Variants in D2HGDH observed in about 807,000 individuals in gnomAD.
D2HGDH encodes D-2-hydroxyglutarate dehydrogenase, also known as D-2-hydroxyglutarate dehydrogenase, mitochondrial.
Under a neutral mutation model 46.9 loss-of-function variants are expected in D2HGDH, and 31 were observed. The observed-to-expected ratio is 0.66, with a 90% CI of 0.50 to 0.89. D2HGDH has a LOEUF of 0.89. Among genes scored for constraint, D2HGDH ranks in the 40% least tolerant of loss-of-function variants. The pLI is 0.00. For synonymous variants in D2HGDH, 364 were observed against 332.6 expected (o/e 1.09, Z -1.03); for missense variants, 698 against 720.8 (o/e 0.97, Z 0.36).
At chr2:241,764,198 G>C (rs539857416) in intron 9 of D2HGDH, among the ~76,000 whole-genome samples, 35 of 152,266 alleles carry the variant, frequency 2.3e-4, no homozygotes, top group African/African-American at 7.2e-4. Context: ...GCGGGGACTG[G>C]GGGGCGACGG....
rs1692201828 is a variant in D2HGDH at position 241,734,687 on chromosome 2, T to TGGTCGTGGGTGC, written c.-100_-99insGTCGTGGGTGCG. The TGGTCGTGGGTGC allele has an allele frequency of 2.0e-5, 3 of 150,448 alleles. No homozygotes were observed. The highest frequency in any genetic ancestry group is 7.3e-5 in the African/African-American group (3 of 40,976). 9.3% of individuals were successfully genotyped at this position (150,448 alleles called of 1,614,324 possible). A position where few individuals can be genotyped will look rare whatever the true frequency, so the allele number is the denominator to read the frequency against. On this transcript the variant is annotated 5_prime_UTR_variant, in exon 1 of 10. Transcript: ENST00000321264. The stretch of plus-strand genomic sequence containing the variant: ...GCGCTGCGGGTTGGAGCTCGGGACG[T>TGGTCGTGGGTGC]GATCGTGGGTGCGTGCGCGCGGCCG...
chr2:241,739,183 G>T lies in D2HGDH; in HGVS notation c.293-1850G>T, dbSNP rs142560265. On this transcript the variant is annotated intron_variant, in intron 2 of 9. Transcript: ENST00000321264. ...GGGAGCCCTCCTTTTCATCTTTCCC[G>T]TTAGAAGGTAAACATCACAGGAGTG... Among the ~76,000 whole-genome samples the T allele has an allele frequency of 5.4e-3, 820 of 152,252 alleles. 5 individuals are homozygous for T. Among genetic ancestry groups the T allele is most frequent in the South Asian group, 0.012 (56 of 4,820 alleles).
intron 8 of D2HGDH, among the ~76,000 whole-genome samples, chr2:241,754,261 G>C (rs1246539066): frequency 6.6e-6 from 1 of 152,226 alleles, no homozygotes; most frequent in Admixed American, 6.5e-5. Flanking sequence ...AGCCGTGCCC[G>C]TGCGGCTGTG....
chr2:241,761,037 C>T (rs996490883), intron 9 of D2HGDH, among the ~76,000 whole-genome samples: 2 of 152,226 alleles, frequency 1.3e-5, no homozygotes, highest in African/African-American at 4.8e-5. Flanking sequence ...CTGCACAGTG[C>T]GAGGACTTCA....
chr2:241,751,718 C>T (rs1246581481), intron 8 of D2HGDH, among the ~76,000 whole-genome samples: 3 of 152,328 alleles, frequency 2.0e-5, no homozygotes, highest in South Asian at 4.1e-4. Context: ...CGCATAGAGT[C>T]GTGTGGAAGG....
intron 2 of D2HGDH, among the ~76,000 whole-genome samples, chr2:241,740,412 A>G (rs993344814): frequency 3.3e-5 from 5 of 152,186 alleles, no homozygotes; most frequent in African/African-American, 1.2e-4. Context: ...TGGGTGGGCA[A>G]CCTTGGAGCT....
chr2:241,750,394 C>CCCCCCCCCGGGGGGGGGGGGGG, intron 7 of D2HGDH, 100 bp downstream of exon 7: 1 of 263,590 alleles, frequency 3.8e-6, no homozygotes. Flanking sequence ...GGGGGGTGCC[C>CCCCCCCCCGGGGGGGGGGGGGG]GGGCGGGCGG....
chr2:241,759,040 T>G lies in D2HGDH; in HGVS notation c.1306+3026T>G, dbSNP rs535913416. ...GGTGGTTTTCTAGTTATTTTAAAAA[T>G]TATTGATTTCTTTTTTATTGCATTA... On this transcript the variant is annotated intron_variant, in intron 9 of 9. Coordinates refer to ENST00000321264, the MANE Select transcript of D2HGDH (RefSeq NM_152783.5). 3.7e-4 allele frequency among the ~76,000 whole-genome samples: 56 copies of G among 152,276 alleles called. 1 individual carries two copies. Among genetic ancestry groups the G allele is most frequent in the African/African-American group, 1.3e-3 (55 of 41,550 alleles).
intron 6 of D2HGDH, chr2:241,748,913 G>A (rs978811117): frequency 6.2e-6 from 8 of 1,297,266 alleles, no homozygotes; most frequent in East Asian, 1.1e-4. Context: ...AGGCCAGCCC[G>A]GCTGCCGCAT....
rs1697052979 is a variant in D2HGDH at position 241,750,823 on chromosome 2, T to C, written c.998-423T>C. On this transcript the variant is annotated intron_variant, in intron 7 of 9. Transcript: ENST00000321264. Reference sequence around the variant, plus strand: ...CCTCCACCTCCCGGGTTCAAACGATTCTTCTGCCTCAGCAGCTTCCACCTC... The same window carrying C: ...CCTCCACCTCCCGGGTTCAAACGATCCTTCTGCCTCAGCAGCTTCCACCTC... 2.0e-5 allele frequency among the ~76,000 whole-genome samples: 3 copies of C among 152,236 alleles called. No homozygotes were observed. The South Asian group carries it at 6.2e-4, about 32-fold the overall frequency.
rs968687465 is a variant in D2HGDH at position 241,734,688 on chromosome 2, G to C, written c.-100G>C. On this transcript the variant is annotated 5_prime_UTR_variant, in exon 1 of 10. Coordinates refer to ENST00000321264, the MANE Select transcript of D2HGDH (RefSeq NM_152783.5). Reference sequence around the variant, plus strand: ...CGCTGCGGGTTGGAGCTCGGGACGTGATCGTGGGTGCGTGCGCGCGGCCGC... The same window carrying C: ...CGCTGCGGGTTGGAGCTCGGGACGTCATCGTGGGTGCGTGCGCGCGGCCGC... 2 of 151,768 alleles carry C rather than the reference G, an allele frequency of 1.3e-5. No homozygotes were observed. Among genetic ancestry groups the C allele is most frequent in the Non-Finnish European group, 2.9e-5 (2 of 67,998 alleles). 9.4% of individuals were successfully genotyped at this position (151,768 alleles called of 1,614,324 possible). A position where few individuals can be genotyped will look rare whatever the true frequency, so the allele number is the denominator to read the frequency against.
At position 241,751,153 on chromosome 2, in the gene D2HGDH, G is replaced by A. The variant is rs939119792; in HGVS notation, c.998-93G>A. On this transcript the variant is annotated intron_variant, in intron 7 of 9. Coordinates refer to ENST00000321264, the MANE Select transcript of D2HGDH (RefSeq NM_152783.5). ...TCCTTCTTGGCCACGAAAGATCAGT[G>A]GTTGCTATTACAGCTGTTCTGCCCG... is the stretch of plus-strand genomic sequence containing the variant. 1.9e-6 allele frequency: 3 copies of A among 1,560,552 alleles called. No individual in the cohort carries two copies. In the African/African-American group the frequency reaches 4.1e-5, roughly 21 times the overall value.
intron 8 of D2HGDH, 82 bp downstream of exon 8, chr2:241,751,470 G>T: frequency 6.3e-7 from 1 of 1,575,772 alleles, no homozygotes; most frequent in South Asian, 1.1e-5. Context: ...ACGGTCATTG[G>T]TGCAGCCTAG....
At chr2:241,736,432 C>CCCTCTGCTG (rs1553600824) in intron 2 of D2HGDH, among the ~76,000 whole-genome samples, 1 of 151,752 alleles carries the variant, frequency 6.6e-6, no homozygotes, top group South Asian at 2.1e-4. Context: ...GGGCTGCGCT[C>CCCTCTGCTG]CCTCCAAAGC....
intron 2 of D2HGDH, among the ~76,000 whole-genome samples, chr2:241,740,266 G>GC (rs71406481): frequency 0.14 from 21,230 of 152,194 alleles, 1,590 homozygotes; most frequent in African/African-American, 0.18. Context: ...AGCTTGAGGA[G>GC]CAACAGGATG....
At position 241,750,234 on chromosome 2, in the gene D2HGDH, A is replaced by G; in HGVS notation, c.937A>G (p.Met313Val). Residue 313 changes from methionine (M) to valine (V), a missense_variant, in exon 7 of 10, where the codon ATG (methionine) becomes GTG (valine). By Grantham distance (21) the Met-to-Val change is conservative. Coordinates refer to ENST00000321264, the MANE Select transcript of D2HGDH (RefSeq NM_152783.5). ...LGEILSAFEF[M>V]DAVCMQLVGR... ...TGAGATCCTGTCTGCATTCGAGTTC[A>G]TGGATGCTGTGTGCATGCAGCTGGT... is the stretch of plus-strand genomic sequence containing the variant. The G allele has an allele frequency of 1.9e-6, 3 of 1,614,040 alleles. No individual in the cohort carries two copies. The highest frequency in any genetic ancestry group is 2.5e-6 in the Non-Finnish European group (3 of 1,180,030).
intron 7 of D2HGDH, 119 bp from the exon 8 acceptor site, chr2:241,751,127 G>T: frequency 7.2e-7 from 1 of 1,397,180 alleles, no homozygotes; most frequent in Non-Finnish European, 1.0e-6. Flanking sequence ...GGCTGCCTGG[G>T]TCCTTCTTGG....
intron 9 of D2HGDH, among the ~76,000 whole-genome samples, chr2:241,764,843 C>G (rs1039231188): frequency 2.0e-5 from 3 of 152,228 alleles, no homozygotes; most frequent in African/African-American, 7.2e-5. Context: ...CTCCTGCTGG[C>G]CCGGAGGTGG....
chr2:241,761,562 A>T (rs1698820682), intron 9 of D2HGDH, among the ~76,000 whole-genome samples: 1 of 152,220 alleles, frequency 6.6e-6, no homozygotes, highest in African/African-American at 2.4e-5. Flanking sequence ...ATACAGGAGG[A>T]TGTGTGTAGT....
Sources: gnomAD v4.1 joint callset for allele counts (sites outside exome capture counted in the v4.1 genomes callset) on GRCh38, gnomAD v4.1.1 for gene constraint, MANE v1.5 for transcripts, NCBI Gene and HGNC (gene_info 2026-07-23, HGNC 2026-07-21) for gene names.